SLC27A4: variants seen among roughly 807,000 people sequenced by gnomAD.
The protein encoded by SLC27A4 is long-chain fatty acid transport protein 4.
In SLC27A4, 33 loss-of-function variants were observed where a neutral mutation model predicts 64.4. That is an observed-to-expected ratio of 0.51 (90% CI 0.39 to 0.68). SLC27A4 has a LOEUF of 0.68. SLC27A4 is among the 30% of genes least tolerant of loss of function. The pLI, the probability that SLC27A4 is intolerant of heterozygous loss-of-function variation, is 0.00. For synonymous variants in SLC27A4, 377 were observed against 370.0 expected, an observed-to-expected ratio of 1.02 and a Z score of -0.22; for missense variants, 824 against 883.5, an observed-to-expected ratio of 0.93 and a Z score of 0.85.
Position 128,355,402 on chromosome 9 carries a change from T to C in SLC27A4, c.1467T>C (p.Asp489=), listed in dbSNP as rs747248620. ...CCTCATCCGGCCCCTCCCTAGGTGATGTGCTGGTGATGGACGAGCTGGGCT... is the reference window on the plus strand; with the variant it reads ...CCTCATCCGGCCCCTCCCTAGGTGACGTGCTGGTGATGGACGAGCTGGGCT... The part of the protein sequence containing the change: ...KKGDQAYLTG[D]VLVMDELGYL... The change falls in exon 11 of 13, where the codon GAT becomes GAC. Residue 489 remains aspartate, a synonymous_variant. Coordinates refer to ENST00000300456, the MANE Select transcript of SLC27A4 (RefSeq NM_005094.4). 5 of 1,613,468 alleles carry C rather than the reference T, an allele frequency of 3.1e-6. No homozygotes were observed. The East Asian group carries it at 6.7e-5, about 22-fold the overall frequency.
chr9:128,360,458 C>T lies in SLC27A4; in HGVS notation c.1899C>T (p.Tyr633=), dbSNP rs755175293. ...GRYVPLDQEA[Y]SRIQAGEEKL The stretch of plus-strand genomic sequence containing the variant: ...ACGTCCCGCTGGACCAAGAGGCCTA[C>T]AGCCGCATCCAGGCAGGCGAGGAGA... Residue 633 remains tyrosine, a synonymous_variant, in exon 13 of 13, where the codon TAC becomes TAT. Coordinates refer to ENST00000300456, the MANE Select transcript of SLC27A4 (RefSeq NM_005094.4). 3.7e-6 allele frequency: 6 copies of T among 1,614,074 alleles called. No individual in the cohort carries two copies. Among genetic ancestry groups the T allele is most frequent in the Non-Finnish European group, 5.1e-6 (6 of 1,180,042 alleles).
At chr9:128,352,579 T>G in intron 6 of SLC27A4, 59 bp from the exon 7 acceptor site, 2 of 1,347,704 alleles carry the variant, frequency 1.5e-6, no homozygotes, top group Admixed American at 3.5e-5. Flanking sequence ...TATCACTGAT[T>G]TGGGGCCGGG....
At position 128,343,226 on chromosome 9, in the gene SLC27A4, C is replaced by T. The variant is rs1832603536; in HGVS notation, c.94C>T (p.Leu32Phe). The T allele has an allele frequency of 1.2e-6, 2 of 1,614,044 alleles. No homozygotes were observed. Among genetic ancestry groups the T allele is most frequent in the South Asian group, 2.2e-5 (2 of 91,076 alleles). Reference sequence around the variant, plus strand: ...CCAGGTGGGATTCTCCCTGTTGTTCCTCTACTTGGGATCTGGCGGCTGGCG... The same window carrying T: ...CCAGGTGGGATTCTCCCTGTTGTTCTTCTACTTGGGATCTGGCGGCTGGCG... ...WTQVGFSLLF[L>F]YLGSGGWRFI... is the part of the protein sequence containing the mutation. Residue 32 changes from leucine (L) to phenylalanine (F), a missense_variant, in exon 2 of 13, where the codon CTC becomes TTC. Transcript: ENST00000300456.
intron 9 of SLC27A4, among the ~76,000 whole-genome samples, chr9:128,354,791 TA>T (rs71381753): frequency 1.6e-4 from 23 of 145,240 alleles, no homozygotes; most frequent in Admixed American, 2.0e-4. Context: ...TACTAAAAAA[TA>T]AAAAAAAAAA....
intron 1 of SLC27A4, among the ~76,000 whole-genome samples, chr9:128,341,664 G>C (rs1056000275): frequency 6.6e-6 from 1 of 152,212 alleles, no homozygotes; most frequent in Non-Finnish European, 1.5e-5. Flanking sequence ...TCCTTTTCCA[G>C]GGAGCTGCCC....
chr9:128,340,941 C>T (rs1832561308), intron 1 of SLC27A4, 103 bp downstream of exon 1: 1 of 480,654 alleles, frequency 2.1e-6, no homozygotes, highest in South Asian at 2.8e-5. Context: ...CGCCCTGCGG[C>T]GCTATTTCCC....
chr9:128,342,281 A>G (rs1273929753), intron 1 of SLC27A4: 1 of 1,611,634 alleles, frequency 6.2e-7, no homozygotes, highest in East Asian at 2.2e-5. Context: ...GATAAGTCGA[A>G]ACTGAAGAAG....
chr9:128,358,951 A>G (rs1191968151), intron 12 of SLC27A4, among the ~76,000 whole-genome samples: 1 of 152,270 alleles, frequency 6.6e-6, no homozygotes, highest in Non-Finnish European at 1.5e-5. Context: ...CTCCTACAAC[A>G]TTGCTTTTGC....
chr9:128,348,753 A>G lies in SLC27A4; in HGVS notation c.715+50A>G, dbSNP rs1832694116. ...AGGGGCTCTCACACAGGCCCTGGAC[A>G]GAGCACTGGCCTCAGTGCCAGAAGG... On this transcript the variant is annotated intron_variant, in intron 4 of 12. Transcript: ENST00000300456. The G allele has an allele frequency of 5.0e-6, 8 of 1,589,274 alleles. 1 individual carries two copies. The South Asian group carries it at 8.8e-5, about 18-fold the overall frequency.
At chr9:128,352,978 G>T in intron 7 of SLC27A4, 47 bp from the exon 8 acceptor site, 1 of 1,520,436 alleles carries the variant, frequency 6.6e-7, no homozygotes. Flanking sequence ...TCCTAGTGTA[G>T]TGAGGGCAGC....
At chr9:128,342,086 G>A (rs1832581044) in intron 1 of SLC27A4, 2 of 686,452 alleles carry the variant, frequency 2.9e-6, no homozygotes, top group Non-Finnish European at 5.2e-6. Flanking sequence ...CCGGTTTTAG[G>A]GACCCTGGAT....
chr9:128,360,619 C>A lies in SLC27A4; in HGVS notation c.*128C>A. On this transcript the variant is annotated 3_prime_UTR_variant, in exon 13 of 13. Coordinates refer to ENST00000300456, the MANE Select transcript of SLC27A4 (RefSeq NM_005094.4). The stretch of plus-strand genomic sequence containing the variant: ...GCACCTCCATCCTGAGGTGCTGCCC[C>A]TCCATCCAAAACTGCCAAGTGACTC... 1.0e-6 allele frequency: 1 copy of A among 962,088 alleles called. No individual in the cohort carries two copies. The highest frequency in any genetic ancestry group is 2.3e-5 in the Admixed American group (1 of 44,188). The allele number at this position is 962,088 out of a possible 1,614,324, so 59.6% of individuals were successfully genotyped here.
chr9:128,356,094 A>G (rs777544573), intron 12 of SLC27A4, among the ~76,000 whole-genome samples: 3 of 152,224 alleles, frequency 2.0e-5, no homozygotes, highest in Middle Eastern at 3.2e-3. Context: ...AGGACAAGGC[A>G]TTCCAAAGGT....
In SLC27A4 at chr9:128,360,343, A is replaced by T; in HGVS notation, c.1784A>T (p.Lys595Met). ...LPELHKTGTY[K>M]FQKTELRKEG... ...TTCCCTGCTCTCCCAGGAACCTACAAGTTCCAGAAGACAGAGCTACGGAAG... is the reference window on the plus strand; with the variant it reads ...TTCCCTGCTCTCCCAGGAACCTACATGTTCCAGAAGACAGAGCTACGGAAG... The change falls in exon 13 of 13, where the codon AAG becomes ATG. Residue 595 changes from lysine to methionine, a missense_variant. Lys to Met is a moderately conservative substitution (Grantham distance 95). Coordinates refer to ENST00000300456, the MANE Select transcript of SLC27A4 (RefSeq NM_005094.4). The T allele has an allele frequency of 6.2e-7, 1 of 1,613,948 alleles. No individual in the cohort carries two copies. The highest frequency in any genetic ancestry group is 8.5e-7 in the Non-Finnish European group (1 of 1,180,002).
intron 1 of SLC27A4, 150 bp from the exon 2 acceptor site, chr9:128,342,977 G>A: frequency 1.0e-6 from 1 of 977,656 alleles, no homozygotes; most frequent in Non-Finnish European, 1.6e-6. Context: ...GCCTGGAAAG[G>A]GACCCCTGTG....
rs1380398485 is a variant in SLC27A4, at chr9:128,361,350, G to A, written c.*859G>A. ...CTCATCTGTTCATTCACTTATCTAA[G>A]CTGAGGGTGTAGCAGGTAAGATGCC... On this transcript the variant is annotated 3_prime_UTR_variant, in exon 13 of 13. Transcript: ENST00000300456. 1 of 152,432 alleles carries A rather than the reference G, an allele frequency of 6.6e-6. No homozygotes were observed. Among genetic ancestry groups the A allele is most frequent in the Non-Finnish European group, 1.5e-5 (1 of 68,136 alleles). 9.4% of individuals were successfully genotyped at this position (152,432 alleles called of 1,614,324 possible). A position where few individuals can be genotyped will look rare whatever the true frequency, so the allele number is the denominator to read the frequency against.
At position 128,355,650 on chromosome 9, in the gene SLC27A4, G is replaced by A; in HGVS notation, c.1628G>A (p.Gly543Glu). The part of the protein sequence containing the change: ...DVAVYGVEVP[G>E]TEGRAGMAAV... The stretch of plus-strand genomic sequence containing the variant: ...TCAGTGTCTACCCTGCCACCCCCAG[G>A]AACCGAGGGCCGGGCCGGAATGGCT... The change falls in exon 12 of 13, where the codon GGA becomes GAA. Residue 543 changes from glycine (G) to glutamate (E), a missense_variant and splice_region_variant. Coordinates refer to ENST00000300456, the MANE Select transcript of SLC27A4 (RefSeq NM_005094.4). 2 of 1,610,160 alleles carry A rather than the reference G, an allele frequency of 1.2e-6. No individual in the cohort carries two copies. Among genetic ancestry groups the A allele is most frequent in the Middle Eastern group, 3.3e-4 (2 of 6,062 alleles).
chr9:128,346,470 G>C (rs1564399631), intron 3 of SLC27A4, among the ~76,000 whole-genome samples: 1 of 151,402 alleles, frequency 6.6e-6, no homozygotes, highest in Non-Finnish European at 1.5e-5. Flanking sequence ...CCCTGACCTC[G>C]TGATCCACCC....
chr9:128,340,604 G>A lies in SLC27A4; in HGVS notation c.-241G>A. 1 of 265,978 alleles carries A rather than the reference G, an allele frequency of 3.8e-6. No homozygotes were observed. Among genetic ancestry groups the A allele is most frequent in the Non-Finnish European group, 7.0e-6 (1 of 143,064 alleles). 16.5% of individuals were successfully genotyped at this position (265,978 alleles called of 1,614,324 possible). A position where few individuals can be genotyped will look rare whatever the true frequency, so the allele number is the denominator to read the frequency against. ...GGAAGGTGCGGCAGGCGGTGCTGCG[G>A]CCTGGCACAGCAGGTTTGGGGTGCG... On this transcript the variant is annotated 5_prime_UTR_variant, in exon 1 of 13. Transcript: ENST00000300456.
Sources: gnomAD v4.1 joint callset for allele counts (sites outside exome capture counted in the v4.1 genomes callset) on GRCh38, gnomAD v4.1.1 for gene constraint, MANE v1.5 for transcripts, NCBI Gene and HGNC (gene_info 2026-07-23, HGNC 2026-07-21) for gene names.